FMNL3: variants seen among roughly 807,000 people sequenced by gnomAD.
FMNL3 encodes formin-like protein 3.
Under a neutral mutation model 119.6 loss-of-function variants are expected in FMNL3, and 57 were observed. The observed-to-expected ratio is 0.48, with a 90% CI of 0.39 to 0.59. The LOEUF is 0.59. Among genes scored for constraint, FMNL3 ranks in the 20% least tolerant of loss-of-function variants. FMNL3 has a pLI of 0.00. For synonymous variants in FMNL3, 491 were observed against 507.3 expected (o/e 0.97, Z 0.43); for missense variants, 1,053 against 1,323.5 (o/e 0.80, Z 3.17).
In FMNL3 at chr12:49,652,092, C is replaced by G. The variant is rs1943420867; in HGVS notation, c.1444G>C (p.Asp482His). 1 of 1,612,850 alleles carries G rather than the reference C, an allele frequency of 6.2e-7. No homozygotes were observed. The highest frequency in any genetic ancestry group is 8.5e-7 in the Non-Finnish European group (1 of 1,179,588). ...EPNVRGLESV[D>H]SEALARVGPA... ...CCTACTCTGGCCAGGGCCTCACTGTCCACAGACTCCAGGCCCCGGACATTT... is the reference window on the plus strand; with the variant it reads ...CCTACTCTGGCCAGGGCCTCACTGTGCACAGACTCCAGGCCCCGGACATTT... Residue 482 changes from aspartate (D) to histidine (H), a missense_variant, in exon 14 of 26, where the codon GAC (aspartate) becomes CAC (histidine). Around this residue, in one of 4 missense-constraint regions of FMNL3, gnomAD observed 445 missense variants for 628.4 expected, o/e 0.71. Transcript: ENST00000335154.
chr12:49,680,167 G>A (rs771517226), intron 1 of FMNL3, among the ~76,000 whole-genome samples: 1 of 152,238 alleles, frequency 6.6e-6, no homozygotes, highest in East Asian at 1.9e-4. Context: ...GCCATTTTGG[G>A]GGGCAGCACC....
At chr12:49,658,659 G>A in intron 5 of FMNL3, 65 bp from the exon 6 acceptor site, 1 of 1,483,544 alleles carries the variant, frequency 6.7e-7, no homozygotes, top group Non-Finnish European at 9.0e-7. Context: ...TCAGTGCCAA[G>A]GCCCCCCGTG....
chr12:49,672,044 G>A (rs1474048826), intron 1 of FMNL3, among the ~76,000 whole-genome samples: 1 of 152,182 alleles, frequency 6.6e-6, no homozygotes, highest in Non-Finnish European at 1.5e-5. Flanking sequence ...GTATGTGTCT[G>A]GAACACTGTG....
At position 49,707,231 on chromosome 12, in the gene FMNL3, G is replaced by C. The variant is rs771544066; in HGVS notation, c.-51C>G. The stretch of plus-strand genomic sequence containing the variant: ...CGGCCCCCCACCTCCACGCTCCGGA[G>C]CTTTCGGCTCCGCGGCTCCGACCAG... On this transcript the variant is annotated 5_prime_UTR_variant, in exon 1 of 26. Coordinates refer to ENST00000335154, the MANE Select transcript of FMNL3 (RefSeq NM_175736.5). 1.4e-6 allele frequency: 2 copies of C among 1,429,776 alleles called. No individual in the cohort carries two copies. 88.6% of individuals were successfully genotyped at this position (1,429,776 alleles called of 1,614,324 possible).
At chr12:49,699,920 A>T (rs369206963) in intron 1 of FMNL3, among the ~76,000 whole-genome samples, 199 of 152,378 alleles carry the variant, frequency 1.3e-3, no homozygotes, top group South Asian at 0.011. Flanking sequence ...ATATACTATC[A>T]GTGGAAAAGG....
intron 4 of FMNL3, among the ~76,000 whole-genome samples, chr12:49,664,415 TAAAC>T (rs1943827789): frequency 6.6e-6 from 1 of 151,732 alleles, no homozygotes; most frequent in African/African-American, 2.4e-5. Flanking sequence ...AAAAAACAAA[TAAAC>T]AAAAAGAAGA....
At chr12:49,658,398 A>C in intron 6 of FMNL3, 44 bp downstream of exon 6, 1 of 1,547,730 alleles carries the variant, frequency 6.5e-7, no homozygotes, top group South Asian at 1.2e-5. Context: ...CCTGCACTGA[A>C]GGGTAGGGTG....
intron 11 of FMNL3, 131 bp downstream of exon 11, chr12:49,654,061 T>A: frequency 8.7e-7 from 1 of 1,154,210 alleles, no homozygotes; most frequent in Non-Finnish European, 1.2e-6. Context: ...AGGTCCTGAG[T>A]CCCAGGCTAC....
At chr12:49,650,137 C>A (rs1461113212) in intron 17 of FMNL3, among the ~76,000 whole-genome samples, 5 of 152,166 alleles carry the variant, frequency 3.3e-5, no homozygotes, top group African/African-American at 1.2e-4. Flanking sequence ...TTGATGTACT[C>A]CCACTGTACC....
chr12:49,691,709 T>A (rs938357871), intron 1 of FMNL3, among the ~76,000 whole-genome samples: 5 of 151,918 alleles, frequency 3.3e-5, no homozygotes, highest in Non-Finnish European at 7.4e-5. Context: ...GTGCGAAAAG[T>A]AAGAGAGGAG....
At position 49,638,823 on chromosome 12, in the gene FMNL3, C is replaced by T. The variant is rs1335008693; in HGVS notation, c.*6992G>A. ...AAATGGTGAGTGTTCCACCAGAGTACACCTAATTACAGAGATTAAATGGTA... is the reference window on the plus strand; with the variant it reads ...AAATGGTGAGTGTTCCACCAGAGTATACCTAATTACAGAGATTAAATGGTA... On this transcript the variant is annotated 3_prime_UTR_variant, in exon 26 of 26. Coordinates refer to ENST00000335154, the MANE Select transcript of FMNL3 (RefSeq NM_175736.5). 1 of 152,170 alleles carries T rather than the reference C, an allele frequency of 6.6e-6. No individual in the cohort carries two copies. The highest frequency in any genetic ancestry group is 1.5e-5 in the Non-Finnish European group (1 of 68,038). 9.4% of individuals were successfully genotyped at this position (152,170 alleles called of 1,614,324 possible). A position where few individuals can be genotyped will look rare whatever the true frequency, so the allele number is the denominator to read the frequency against.
In FMNL3 at chr12:49,691,052, C is replaced by CA. The variant is rs1306691578; in HGVS notation, c.126+16002dup. On this transcript the variant is annotated intron_variant, in intron 1 of 25. Transcript: ENST00000335154. ...TAAGACCCTGTCTGAAAAGCAACAA[C>CA]AAAAAAAACTGGGCTTTGGCATCAG... is the stretch of plus-strand genomic sequence containing the variant. Among the ~76,000 whole-genome samples, 6 of 152,006 alleles carry CA rather than the reference C, an allele frequency of 3.9e-5. No individual in the cohort carries two copies. The South Asian group carries it at 6.2e-4, about 16-fold the overall frequency.
chr12:49,706,950 C>T (rs1945065117), intron 1 of FMNL3, 105 bp downstream of exon 1: 10 of 1,354,832 alleles, frequency 7.4e-6, no homozygotes, highest in Non-Finnish European at 3.0e-6. Flanking sequence ...GTTCGGGACC[C>T]CGACTGAAAG....
At chr12:49,699,018 T>G (rs114886627) in intron 1 of FMNL3, among the ~76,000 whole-genome samples, 278 of 152,130 alleles carry the variant, frequency 1.8e-3, no homozygotes, top group African/African-American at 6.5e-3. Flanking sequence ...AAGAAAAAGG[T>G]CCTCCCCTTC....
In FMNL3 at chr12:49,665,928, G is replaced by A; in HGVS notation, c.292-20C>T. ...GAACTTCTGTAAAAAGGGTAGGAAA[G>A]GAAGGGAATACAAGAGGGCAGTTAT... On this transcript the variant is annotated intron_variant, in intron 3 of 25. Transcript: ENST00000335154. The A allele has an allele frequency of 6.2e-7, 1 of 1,613,130 alleles. No individual in the cohort carries two copies. The highest frequency in any genetic ancestry group is 1.3e-5 in the African/African-American group (1 of 75,034).
chr12:49,684,969 T>C (rs556753025), intron 1 of FMNL3, among the ~76,000 whole-genome samples: 4 of 152,334 alleles, frequency 2.6e-5, no homozygotes, highest in Non-Finnish European at 4.4e-5. Context: ...AAAGATGCTC[T>C]TTCCTGGTCA....
Position 49,638,969 on chromosome 12 carries a change from A to G in FMNL3, c.*6846T>C, listed in dbSNP as rs1942231480. 6.6e-6 allele frequency: 1 copy of G among 152,208 alleles called. No homozygotes were observed. Among genetic ancestry groups the G allele is most frequent in the Admixed American group, 6.5e-5 (1 of 15,282 alleles). 9.4% of individuals were successfully genotyped at this position (152,208 alleles called of 1,614,324 possible). ...GTTGCATTTTAACACCATATTACCT[A>G]TTTAATATAAATTTAATATTTTAAA... On this transcript the variant is annotated 3_prime_UTR_variant, in exon 26 of 26. Transcript: ENST00000335154.
rs767372360 is a variant in FMNL3, at chr12:49,651,445, A to G, written c.1609T>C (p.Cys537Arg). The change falls in exon 15 of 26, where the codon TGT (cysteine) becomes CGT (arginine). Residue 537 changes from cysteine (C) to arginine (R), a missense_variant. Around this residue, in one of 4 missense-constraint regions of FMNL3, gnomAD observed 445 missense variants for 628.4 expected, o/e 0.71. Coordinates refer to ENST00000335154, the MANE Select transcript of FMNL3 (RefSeq NM_175736.5). The part of the protein sequence containing the change: ...PPPPPPLPDK[C>R]PPAPPLPGAA... Reference sequence around the variant, plus strand: ...CCAGGGAGAGGTGGGGCTGGGGGACACTTGTCTGGGGGAAGAAGAAATGAC... The same window carrying G: ...CCAGGGAGAGGTGGGGCTGGGGGACGCTTGTCTGGGGGAAGAAGAAATGAC... 2 of 1,471,814 alleles carry G rather than the reference A, an allele frequency of 1.4e-6. No homozygotes were observed. Among genetic ancestry groups the G allele is most frequent in the Admixed American group, 2.3e-5 (1 of 43,138 alleles). 91.2% of individuals were successfully genotyped at this position (1,471,814 alleles called of 1,614,324 possible). A position where few individuals can be genotyped will look rare whatever the true frequency, so the allele number is the denominator to read the frequency against.
chr12:49,670,264 C>T (rs1944008715), intron 1 of FMNL3, among the ~76,000 whole-genome samples: 1 of 152,234 alleles, frequency 6.6e-6, no homozygotes, highest in Non-Finnish European at 1.5e-5. Context: ...GGTCCTCTAA[C>T]TTTCGATGGA....
Sources: gnomAD v4.1 joint callset for allele counts (sites outside exome capture counted in the v4.1 genomes callset) on GRCh38, gnomAD v4.1.1 for gene constraint, gnomAD v4.1.1 regional missense constraint, MANE v1.5 for transcripts, NCBI Gene and HGNC (gene_info 2026-07-23, HGNC 2026-07-21) for gene names.